The following TMEM132D variants were observed in gnomAD, a reference collection of about 807,000 sequenced individuals.
TMEM132D encodes mature OL transmembrane protein.
Under a neutral mutation model 62.3 loss-of-function variants are expected in TMEM132D, and 21 were observed. The observed-to-expected ratio is 0.34, with a 90% confidence interval of 0.24 to 0.49. The LOEUF is 0.49. TMEM132D is among the 20% of genes least tolerant of loss of function. The pLI, the probability that TMEM132D is intolerant of heterozygous loss-of-function variation, is 0.99. For missense variants in TMEM132D, 1,346 were observed against 1,402.8 expected, an observed-to-expected ratio of 0.96 and a Z score of 0.65; for synonymous variants, 621 against 575.6, an observed-to-expected ratio of 1.08 and a Z score of -1.13.
intron 1 of TMEM132D, among the ~76,000 whole-genome samples, chr12:129,888,837 C>T (rs1008626306): frequency 2.0e-5 from 3 of 152,162 alleles, no homozygotes; most frequent in Non-Finnish European, 4.4e-5. Flanking sequence ...TTTCATACCA[C>T]GTGATTCAGG....
At chr12:129,619,960 C>A (rs1159514682) in intron 2 of TMEM132D, among the ~76,000 whole-genome samples, 1 of 152,174 alleles carries the variant, frequency 6.6e-6, no homozygotes, top group East Asian at 1.9e-4. Flanking sequence ...TATTAGGTTA[C>A]AATACCCTAA....
intron 1 of TMEM132D, among the ~76,000 whole-genome samples, chr12:129,846,398 A>G (rs1377254721): frequency 2.0e-5 from 3 of 152,188 alleles, no homozygotes; most frequent in African/African-American, 7.2e-5. Context: ...TTTTTAAAGA[A>G]TATATTTTCT....
intron 3 of TMEM132D, among the ~76,000 whole-genome samples, chr12:129,463,461 T>TGTA (rs1873752937): frequency 1.1e-5 from 1 of 93,130 alleles, no homozygotes; most frequent in African/African-American, 3.0e-5. Flanking sequence ...TATTTATTTA[T>TGTA]TTATTTATGT....
intron 1 of TMEM132D, among the ~76,000 whole-genome samples, chr12:129,764,206 T>C (rs1870476234): frequency 6.6e-6 from 1 of 152,242 alleles, no homozygotes; most frequent in African/African-American, 2.4e-5. Context: ...TGTCATCATA[T>C]TAATTTTTCT....
chr12:129,342,229 T>C (rs1869515648), intron 3 of TMEM132D, among the ~76,000 whole-genome samples: 1 of 152,070 alleles, frequency 6.6e-6, no homozygotes, highest in Non-Finnish European at 1.5e-5. Context: ...AAAACAGAGA[T>C]ATAGACCAAT....
At chr12:129,581,898 C>A (rs900730207) in intron 2 of TMEM132D, among the ~76,000 whole-genome samples, 2 of 152,192 alleles carry the variant, frequency 1.3e-5, no homozygotes, top group African/African-American at 4.8e-5. Flanking sequence ...TCCTTTATAA[C>A]ACACGCAGAC....
chr12:129,166,837 G>A (rs1462390877), intron 5 of TMEM132D, among the ~76,000 whole-genome samples: 1 of 150,566 alleles, frequency 6.6e-6, no homozygotes, highest in African/African-American at 2.5e-5. Flanking sequence ...GAAGACACAA[G>A]TACATTTTCC....
intron 3 of TMEM132D, among the ~76,000 whole-genome samples, chr12:129,406,015 C>T (rs962273303): frequency 6.6e-6 from 1 of 152,142 alleles, no homozygotes; most frequent in African/African-American, 2.4e-5. Flanking sequence ...TAATTCACTC[C>T]AAAACCTTAC....
At chr12:129,154,033 G>GA (rs1317649744) in intron 5 of TMEM132D, among the ~76,000 whole-genome samples, 1 of 152,096 alleles carries the variant, frequency 6.6e-6, no homozygotes. Context: ...ATCTTCTCTG[G>GA]AAATCACAAT....
At chr12:129,527,033 G>A (rs1029668710) in intron 3 of TMEM132D, among the ~76,000 whole-genome samples, 1 of 152,226 alleles carries the variant, frequency 6.6e-6, no homozygotes, top group Non-Finnish European at 1.5e-5. Flanking sequence ...TTAAGGCTGG[G>A]TACGGTGGCT....
At chr12:129,553,590 G>T (rs1304855826) in intron 2 of TMEM132D, among the ~76,000 whole-genome samples, 1 of 152,186 alleles carries the variant, frequency 6.6e-6, no homozygotes, top group East Asian at 1.9e-4. Context: ...CATTTCCATG[G>T]TGTAAATGTT....
chr12:129,865,227 T>G (rs1874020487), intron 1 of TMEM132D, among the ~76,000 whole-genome samples: 1 of 152,154 alleles, frequency 6.6e-6, no homozygotes. Context: ...TCTGCAATGG[T>G]GCAGAAGCCT....
intron 5 of TMEM132D, among the ~76,000 whole-genome samples, chr12:129,169,530 T>C (rs1877661709): frequency 6.6e-6 from 1 of 152,252 alleles, no homozygotes; most frequent in African/African-American, 2.4e-5. Context: ...TGATAACTCC[T>C]ATTATTAACC....
chr12:129,674,938 A>T (rs1880592360), intron 2 of TMEM132D, among the ~76,000 whole-genome samples: 2 of 152,264 alleles, frequency 1.3e-5, no homozygotes, highest in Admixed American at 1.3e-4. Context: ...TTTTCTGTTA[A>T]ATTCTGATTG....
intron 2 of TMEM132D, among the ~76,000 whole-genome samples, chr12:129,580,704 AAAAT>A (rs961218219): frequency 6.4e-5 from 9 of 140,274 alleles, no homozygotes; most frequent in Non-Finnish European, 9.1e-5. Flanking sequence ...ATCCATCTCA[AAAAT>A]AAATAAATAA....
At chr12:129,733,425 C>A (rs972256597) in intron 1 of TMEM132D, among the ~76,000 whole-genome samples, 4 of 152,192 alleles carry the variant, frequency 2.6e-5, no homozygotes, top group Non-Finnish European at 4.4e-5. Context: ...CCAAAATCAA[C>A]CACCAGTCAC....
chr12:129,719,528 C>G (rs1868733819), intron 1 of TMEM132D, among the ~76,000 whole-genome samples: 1 of 152,188 alleles, frequency 6.6e-6, no homozygotes, highest in Non-Finnish European at 1.5e-5. Context: ...CAGGGAAACC[C>G]TGTTTATTTT....
At chr12:129,464,474 T>A (rs1440681458) in intron 3 of TMEM132D, among the ~76,000 whole-genome samples, 5 of 152,322 alleles carry the variant, frequency 3.3e-5, no homozygotes, top group South Asian at 2.1e-4. Context: ...TCTTGAGTTT[T>A]ATTAGATCCC....
At chr12:129,630,195 A>T (rs1040352843) in intron 2 of TMEM132D, among the ~76,000 whole-genome samples, 3 of 152,236 alleles carry the variant, frequency 2.0e-5, no homozygotes, top group Admixed American at 6.5e-5. Flanking sequence ...ACTTTCATTT[A>T]TAAGAGCTCC....
Sources: gnomAD v4.1 joint callset for allele counts (sites outside exome capture counted in the v4.1 genomes callset) on GRCh38, gnomAD v4.1.1 for gene constraint, MANE v1.5 for transcripts, NCBI Gene and HGNC (gene_info 2026-07-23, HGNC 2026-07-21) for gene names.